DUSP22: variants seen among roughly 807,000 people sequenced by gnomAD.
The protein encoded by DUSP22 is dual specificity protein phosphatase 22.
Under a neutral mutation model 24.5 loss-of-function variants are expected in DUSP22, and 24 were observed. The ratio of observed to expected loss-of-function variants is 0.98; its 90% CI spans 0.71 to 1.38. The LOEUF is 1.38. DUSP22 is among the 40% of genes most tolerant of loss of function. The pLI, the probability that DUSP22 is intolerant of heterozygous loss-of-function variation, is 0.00. For synonymous variants in DUSP22, 160 were observed against 106.4 expected (o/e 1.50, Z -3.10); for missense variants, 330 against 269.2 (o/e 1.23, Z -1.58).
chr6:320,179 G>C (rs1758524637), intron 3 of DUSP22: 1 of 152,732 alleles, frequency 6.5e-6, no homozygotes. Context: ...CTTTTGGCCT[G>C]GCTTCCTAGA....
At chr6:324,482 C>T (rs1451868310) in intron 3 of DUSP22, among the ~76,000 whole-genome samples, 1 of 152,310 alleles carries the variant, frequency 6.6e-6, no homozygotes, top group South Asian at 2.1e-4. Flanking sequence ...AGAGGGGTGT[C>T]CCTCCTGGTG....
At chr6:323,391 T>C (rs1189994834) in intron 3 of DUSP22, among the ~76,000 whole-genome samples, 1 of 152,304 alleles carries the variant, frequency 6.6e-6, no homozygotes, top group Non-Finnish European at 1.5e-5. Context: ...GCCAGCTAGC[T>C]CTGGCCTTCT....
chr6:348,116 T>C lies in DUSP22; in HGVS notation c.277T>C (p.Ser93Pro), dbSNP rs1195693683. The stretch of plus-strand genomic sequence containing the variant: ...TTGGCCCCGCAGCCTGGCCGGGGTC[T>C]CCAGGAGCGTGACACTGGTGATCGC... ...SCLVHCLAGVSRSVTLVIAYI... is the reference protein window; with the variant it reads ...SCLVHCLAGVPRSVTLVIAYI... The change falls in exon 6 of 7, where the codon TCC becomes CCC. Residue 93 changes from serine to proline, a missense_variant. Ser to Pro is a moderately conservative substitution (Grantham distance 74). Coordinates refer to ENST00000419235, the MANE Select transcript of DUSP22 (RefSeq NM_001286555.3). 3 of 1,614,150 alleles carry C rather than the reference T, an allele frequency of 1.9e-6. No homozygotes were observed. The highest frequency in any genetic ancestry group is 1.7e-6 in the Non-Finnish European group (2 of 1,180,056).
At chr6:343,411 G>GA (rs1466926201) in intron 4 of DUSP22, among the ~76,000 whole-genome samples, 3 of 25,392 alleles carry the variant, frequency 1.2e-4, no homozygotes. Context: ...GGTGCAGCTG[G>GA]ACGGCACCCT....
At chr6:331,128 G>T (rs961693237) in intron 3 of DUSP22, among the ~76,000 whole-genome samples, 1 of 152,294 alleles carries the variant, frequency 6.6e-6, no homozygotes, top group Non-Finnish European at 1.5e-5. Context: ...GCTTGTTTTT[G>T]TATTTCAGTG....
rs534660755 is a variant in DUSP22 at position 294,723 on chromosome 6, T to C, written c.21+2163T>C. Among the ~76,000 whole-genome samples, 7 of 152,408 alleles carry C rather than the reference T, an allele frequency of 4.6e-5. No individual in the cohort carries two copies. In the South Asian group the frequency reaches 1.0e-3, roughly 23 times the overall value. On this transcript the variant is annotated intron_variant, in intron 1 of 6. Coordinates refer to ENST00000419235, the MANE Select transcript of DUSP22 (RefSeq NM_001286555.3). Reference sequence around the variant, plus strand: ...TTTGGACTAGCCACATTTGGAGTACTCGATAGTCACTGTGGCTAATGGCTG... The same window carrying C: ...TTTGGACTAGCCACATTTGGAGTACCCGATAGTCACTGTGGCTAATGGCTG...
Position 308,471 on chromosome 6 carries a change from T to TG in DUSP22, c.56-3406dup, listed in dbSNP as rs199803951. Among the ~76,000 whole-genome samples the TG allele has an allele frequency of 3.6e-3, 538 of 151,464 alleles. 2 individuals are homozygous for TG. The highest frequency in any genetic ancestry group is 0.032 in the Admixed American group (487 of 15,052). Reference sequence around the variant, plus strand: ...GTAAGTGGGCAGAGCCTGTGCCTTATGGGAAAGGATGCATCAGCGAACACG... The same window carrying TG: ...GTAAGTGGGCAGAGCCTGTGCCTTATGGGGAAAGGATGCATCAGCGAACACG... On this transcript the variant is annotated intron_variant, in intron 2 of 6. Coordinates refer to ENST00000419235, the MANE Select transcript of DUSP22 (RefSeq NM_001286555.3).
At chr6:308,505 G>C (rs373051928) in intron 2 of DUSP22, among the ~76,000 whole-genome samples, 2 of 152,296 alleles carry the variant, frequency 1.3e-5, no homozygotes, top group Non-Finnish European at 2.9e-5. Flanking sequence ...CGGTGCTAGC[G>C]TGCGGTGAGG....
chr6:324,694 G>C (rs1758770549), intron 3 of DUSP22, among the ~76,000 whole-genome samples: 3 of 152,302 alleles, frequency 2.0e-5, no homozygotes, highest in Admixed American at 2.0e-4. Context: ...TCTCAAAACA[G>C]CTTCTAGAGT....
At chr6:333,613 C>G (rs1174812387) in intron 3 of DUSP22, among the ~76,000 whole-genome samples, 1 of 152,298 alleles carries the variant, frequency 6.6e-6, no homozygotes, top group African/African-American at 2.4e-5. Flanking sequence ...CTAAGAGAGA[C>G]TGAAAGCTCA....
chr6:327,837 CAT>C (rs1391727432), intron 3 of DUSP22, among the ~76,000 whole-genome samples: 3 of 152,418 alleles, frequency 2.0e-5, no homozygotes, highest in African/African-American at 4.8e-5. Flanking sequence ...AAGCACAGAA[CAT>C]GTGGGGAGAC....
rs1349239741 is a variant in DUSP22 at position 350,688 on chromosome 6, C to T, written c.*1737C>T. 7.6e-6 allele frequency: 12 copies of T among 1,570,810 alleles called. No individual in the cohort carries two copies. Among genetic ancestry groups the T allele is most frequent in the Admixed American group, 5.6e-5 (3 of 53,534 alleles). On this transcript the variant is annotated 3_prime_UTR_variant, in exon 7 of 7. Coordinates refer to ENST00000419235, the MANE Select transcript of DUSP22 (RefSeq NM_001286555.3). The stretch of plus-strand genomic sequence containing the variant: ...GTTTTTCCTAAGCCAAAAATAAATA[C>T]GTTAACAGAAAAATGATTTAGGATA...
intron 3 of DUSP22, among the ~76,000 whole-genome samples, chr6:313,030 C>T (rs995454980): frequency 7.8e-6 from 1 of 127,916 alleles, no homozygotes; most frequent in Non-Finnish European, 1.6e-5. Flanking sequence ...TTGGAAATAA[C>T]AACAACAACA....
chr6:327,685 G>A (rs541591749), intron 3 of DUSP22, among the ~76,000 whole-genome samples: 4 of 152,420 alleles, frequency 2.6e-5, no homozygotes, highest in Admixed American at 1.3e-4. Flanking sequence ...AGTCTGCTAA[G>A]GGGGAGGCCG....
intron 4 of DUSP22, chr6:337,962 AGTGCC>A (rs1313680382): frequency 6.5e-6 from 1 of 152,754 alleles, no homozygotes; most frequent in African/African-American, 2.4e-5. Context: ...TAGGTGTGGC[AGTGCC>A]GTGTCTGGGG....
At chr6:328,452 A>C (rs1758985628) in intron 3 of DUSP22, among the ~76,000 whole-genome samples, 1 of 152,308 alleles carries the variant, frequency 6.6e-6, no homozygotes, top group Non-Finnish European at 1.5e-5. Flanking sequence ...TGTTGATCTG[A>C]CAAGTCAAAT....
chr6:314,387 A>C (rs368391514), intron 3 of DUSP22, among the ~76,000 whole-genome samples: 56 of 152,382 alleles, frequency 3.7e-4, no homozygotes, highest in African/African-American at 1.2e-3. Context: ...ACATCCATGC[A>C]GGTGTCCTGC....
At position 349,999 on chromosome 6, in the gene DUSP22, T is replaced by G; in HGVS notation, c.*1048T>G. 2 of 985,760 alleles carry G rather than the reference T, an allele frequency of 2.0e-6. No individual in the cohort carries two copies. The highest frequency in any genetic ancestry group is 2.4e-6 in the Non-Finnish European group (2 of 830,076). 61.1% of individuals were successfully genotyped at this position (985,760 alleles called of 1,614,324 possible). On this transcript the variant is annotated 3_prime_UTR_variant, in exon 7 of 7. Transcript: ENST00000419235. ...TGCAAGAATTGGGAAGAAAGAGCATTTATTAGGCACTGTAGCAATTTGCAT... is the reference window on the plus strand; with the variant it reads ...TGCAAGAATTGGGAAGAAAGAGCATGTATTAGGCACTGTAGCAATTTGCAT...
intron 6 of DUSP22, 140 bp from the exon 7 acceptor site, chr6:348,629 A>G (rs1455082894): frequency 1.4e-6 from 2 of 1,432,122 alleles, no homozygotes; most frequent in Non-Finnish European, 1.9e-6. Flanking sequence ...GGCCAACCAC[A>G]GAGCTCTGAT....
Sources: gnomAD v4.1 joint callset for allele counts (sites outside exome capture counted in the v4.1 genomes callset) on GRCh38, gnomAD v4.1.1 for gene constraint, MANE v1.5 for transcripts, NCBI Gene and HGNC (gene_info 2026-07-23, HGNC 2026-07-21) for gene names.